The following TNNI3K variants were observed in gnomAD, a reference collection of about 807,000 sequenced individuals.
TNNI3K encodes TNNI3 interacting kinase.
Under a neutral mutation model 114.5 loss-of-function variants are expected in TNNI3K, and 140 were observed. That is an observed-to-expected ratio of 1.22 (90% confidence interval 1.07 to 1.41). TNNI3K has a LOEUF of 1.41. Among genes scored for constraint, TNNI3K ranks in the 40% most tolerant of loss-of-function variants. TNNI3K has a pLI of 0.00. For synonymous variants in TNNI3K, 347 were observed against 347.5 expected, an observed-to-expected ratio of 1.00 and a Z score of 0.02; for missense variants, 1,125 against 1,007.6, an observed-to-expected ratio of 1.12 and a Z score of -1.58.
intron 11 of TNNI3K, among the ~76,000 whole-genome samples, chr1:74,355,929 C>G (rs547944261): frequency 6.6e-6 from 1 of 152,140 alleles, no homozygotes; most frequent in African/African-American, 2.4e-5. Context: ...TATACCTTTG[C>G]ACATATTATA....
intron 20 of TNNI3K, among the ~76,000 whole-genome samples, chr1:74,452,405 T>C (rs1302601459): frequency 6.6e-6 from 1 of 152,218 alleles, no homozygotes; most frequent in Non-Finnish European, 1.5e-5. Flanking sequence ...GTGGCCCATG[T>C]AGAAACTTCA....
intron 23 of TNNI3K, among the ~76,000 whole-genome samples, chr1:74,511,730 C>T (rs527538881): frequency 1.3e-5 from 2 of 152,038 alleles, no homozygotes; most frequent in African/African-American, 4.8e-5. Context: ...GTAGGAAGCC[C>T]TGTGAGCCTG....
At chr1:74,316,523 T>C (rs1408343742) in intron 5 of TNNI3K, among the ~76,000 whole-genome samples, 4 of 152,168 alleles carry the variant, frequency 2.6e-5, no homozygotes, top group Non-Finnish European at 4.4e-5. Context: ...CCTGCTTTTC[T>C]CTACCCGGAC....
At chr1:74,450,288 C>T (rs1404007000) in intron 20 of TNNI3K, among the ~76,000 whole-genome samples, 1 of 151,286 alleles carries the variant, frequency 6.6e-6, no homozygotes, top group African/African-American at 2.4e-5. Context: ...CACTAAATGC[C>T]CACAAGAGAA....
At chr1:74,371,500 G>C (rs1662604186) in intron 17 of TNNI3K, 1 of 142,592 alleles carries the variant, frequency 7.0e-6, no homozygotes, top group Non-Finnish European at 1.5e-5. Flanking sequence ...CTATGGAAGG[G>C]ATGACATATG....
chr1:74,375,444 T>A, intron 17 of TNNI3K: 1 of 392,636 alleles, frequency 2.5e-6, no homozygotes, highest in South Asian at 1.8e-5. Context: ...GCCACAAGAT[T>A]AGAAATAATG....
At chr1:74,526,836 A>G (rs1217448544) in intron 23 of TNNI3K, among the ~76,000 whole-genome samples, 1 of 152,176 alleles carries the variant, frequency 6.6e-6, no homozygotes, top group African/African-American at 2.4e-5. Flanking sequence ...AGATTGGTAA[A>G]CTACAGCTCA....
intron 23 of TNNI3K, among the ~76,000 whole-genome samples, chr1:74,535,775 T>C (rs1646653671): frequency 6.6e-6 from 1 of 152,198 alleles, no homozygotes; most frequent in Non-Finnish European, 1.5e-5. Flanking sequence ...ACCTTCACCA[T>C]TTGAAGACTG....
At chr1:74,400,519 A>G (rs911771950) in intron 17 of TNNI3K, among the ~76,000 whole-genome samples, 4 of 152,242 alleles carry the variant, frequency 2.6e-5, no homozygotes, top group East Asian at 1.9e-4. Flanking sequence ...TAGTATATCA[A>G]TCGCAACCAA....
chr1:74,504,548 T>C (rs1669792796), intron 23 of TNNI3K, among the ~76,000 whole-genome samples: 1 of 152,044 alleles, frequency 6.6e-6, no homozygotes, highest in Admixed American at 6.5e-5. Flanking sequence ...TCAAACAAAA[T>C]ATTCTGTTCA....
chr1:74,342,696 G>T (rs998692328), intron 7 of TNNI3K, 146 bp from the exon 8 acceptor site: 3 of 1,004,052 alleles, frequency 3.0e-6, no homozygotes, highest in South Asian at 3.5e-5. Context: ...AAAATTGGTC[G>T]CCCTTAATTT....
chr1:74,522,523 A>G (rs1051045463), intron 23 of TNNI3K, among the ~76,000 whole-genome samples: 1 of 152,092 alleles, frequency 6.6e-6, no homozygotes, highest in Non-Finnish European at 1.5e-5. Flanking sequence ...AGTATAGAAG[A>G]CCTACTCCTG....
chr1:74,315,810 T>C (rs1015529197), intron 5 of TNNI3K, among the ~76,000 whole-genome samples: 1 of 152,154 alleles, frequency 6.6e-6, no homozygotes, highest in African/African-American at 2.4e-5. Flanking sequence ...TTCTAGAAGA[T>C]TTCTTTTGTG....
chr1:74,275,520 G>C (rs1403156609), intron 5 of TNNI3K, among the ~76,000 whole-genome samples: 2 of 151,998 alleles, frequency 1.3e-5, no homozygotes, highest in African/African-American at 4.8e-5. Flanking sequence ...GATTAATGTG[G>C]ACTCAAAGAG....
intron 4 of TNNI3K, among the ~76,000 whole-genome samples, chr1:74,257,762 G>A (rs1056532588): frequency 6.5e-5 from 9 of 137,994 alleles, no homozygotes; most frequent in South Asian, 2.4e-4. Flanking sequence ...TCCGCCTCCC[G>A]GTTCAAGCCA....
At chr1:74,449,636 C>G (rs1666896028) in intron 20 of TNNI3K, among the ~76,000 whole-genome samples, 1 of 151,486 alleles carries the variant, frequency 6.6e-6, no homozygotes, top group Non-Finnish European at 1.5e-5. Context: ...TTTAAACCAA[C>G]AAAGATCAAA....
intron 23 of TNNI3K, among the ~76,000 whole-genome samples, chr1:74,526,741 C>T (rs912061903): frequency 6.6e-6 from 1 of 152,154 alleles, no homozygotes; most frequent in African/African-American, 2.4e-5. Context: ...ATCCTACATT[C>T]ACTGAGATAT....
chr1:74,417,223 A>G (rs560776310), intron 17 of TNNI3K, among the ~76,000 whole-genome samples: 10 of 152,092 alleles, frequency 6.6e-5, no homozygotes, highest in African/African-American at 2.4e-4. Context: ...GCAACTATGA[A>G]AATGTACTGC....
chr1:74,391,881 C>T (rs1663790059), intron 17 of TNNI3K, among the ~76,000 whole-genome samples: 1 of 150,882 alleles, frequency 6.6e-6, no homozygotes, highest in Admixed American at 6.6e-5. Context: ...TATCACTATG[C>T]TGAATGTACA....
Sources: gnomAD v4.1 joint callset for allele counts (sites outside exome capture counted in the v4.1 genomes callset) on GRCh38, gnomAD v4.1.1 for gene constraint, MANE v1.5 for transcripts, NCBI Gene and HGNC (gene_info 2026-07-23, HGNC 2026-07-21) for gene names.